Variants in LRP4 observed in about 807,000 individuals in gnomAD.
The protein encoded by LRP4 is low-density lipoprotein receptor-related protein 4.
LRP4 carries 95 observed loss-of-function variants against 220.3 expected under a neutral mutation model. The observed-to-expected ratio is 0.43, with a 90% CI of 0.37 to 0.51. LRP4 has a LOEUF of 0.51. Ranked by LOEUF, LRP4 falls within the 20% of genes least tolerant of loss-of-function variation. The probability of loss-of-function intolerance (pLI) is 0.00; values close to 1 mark genes in which losing one functional copy is unlikely to be tolerated. For synonymous variants in LRP4, 903 were observed against 954.6 expected (o/e 0.95, Z 1.00); for missense variants, 1,925 against 2,567.0 (o/e 0.75, Z 5.40).
At chr11:46,895,543 T>C (rs893540778) in intron 10 of LRP4, among the ~76,000 whole-genome samples, 1 of 151,924 alleles carries the variant, frequency 6.6e-6, no homozygotes, top group Non-Finnish European at 1.5e-5. Flanking sequence ...ATCGCACCAC[T>C]GCACTCCAGC....
At chr11:46,889,303 G>T in intron 16 of LRP4, 108 bp downstream of exon 16, 1 of 1,447,346 alleles carries the variant, frequency 6.9e-7, no homozygotes, top group Non-Finnish European at 9.6e-7. Context: ...GCTCCCTGAG[G>T]AATGTGGTTT....
chr11:46,872,138 C>A (rs1344067292), intron 30 of LRP4, among the ~76,000 whole-genome samples: 1 of 152,116 alleles, frequency 6.6e-6, no homozygotes, highest in African/African-American at 2.4e-5. Context: ...TGCCTGTAAT[C>A]CTAGCTACTT....
chr11:46,894,516 C>T (rs1941483271), intron 12 of LRP4, 73 bp downstream of exon 12: 3 of 1,199,612 alleles, frequency 2.5e-6, no homozygotes, highest in South Asian at 2.6e-5. Flanking sequence ...TTGCAAACCA[C>T]TGGCCTATTC....
chr11:46,898,007 C>T (rs1941578006), intron 7 of LRP4, among the ~76,000 whole-genome samples: 1 of 149,318 alleles, frequency 6.7e-6, no homozygotes, highest in African/African-American at 2.5e-5. Flanking sequence ...GGGGGGCTGA[C>T]CCCCCAACCT....
At position 46,909,687 on chromosome 11, in the gene LRP4, T is replaced by C. The variant is rs541077749; in HGVS notation, c.53-6758A>G. 1.3e-4 allele frequency among the ~76,000 whole-genome samples: 18 copies of C among 142,060 alleles called. No homozygotes were observed. In the South Asian group the frequency reaches 3.7e-3, roughly 29 times the overall value. The allele number at this position is 142,060 out of a possible 152,430, so 93.2% of individuals were successfully genotyped here. Reference sequence around the variant, plus strand: ...TAATATGCTAAAGCATATTAGCATATGCCTCTCTCCTTTTATCCACTGGCA... The same window carrying C: ...TAATATGCTAAAGCATATTAGCATACGCCTCTCTCCTTTTATCCACTGGCA... On this transcript the variant is annotated intron_variant, in intron 1 of 37. Coordinates refer to ENST00000378623, the MANE Select transcript of LRP4 (RefSeq NM_002334.4).
intron 1 of LRP4, among the ~76,000 whole-genome samples, chr11:46,907,086 G>A (rs951891381): frequency 6.6e-6 from 1 of 152,172 alleles, no homozygotes; most frequent in African/African-American, 2.4e-5. Context: ...CCCTTTTTAA[G>A]GAAAAGAATG....
In LRP4 at chr11:46,902,651, A is replaced by G. The variant is rs1308585702; in HGVS notation, c.199+132T>C. On this transcript the variant is annotated intron_variant, in intron 2 of 37. Coordinates refer to ENST00000378623, the MANE Select transcript of LRP4 (RefSeq NM_002334.4). ...AGAAACTACCCAAATGTCAATATCT[A>G]TCAAGCTTGCAAAAGACCAACTCTC... 5.8e-6 allele frequency: 6 copies of G among 1,028,868 alleles called. No homozygotes were observed. The Admixed American group carries it at 9.0e-5, about 15-fold the overall frequency. 63.7% of individuals were successfully genotyped at this position (1,028,868 alleles called of 1,614,324 possible).
chr11:46,863,060 T>C, intron 36 of LRP4: 1 of 378,044 alleles, frequency 2.6e-6, no homozygotes, highest in South Asian at 2.6e-5. Context: ...TTGTAAGTTG[T>C]CCTATGGAGA....
At chr11:46,895,085 C>A in intron 11 of LRP4, 81 bp downstream of exon 11, 1 of 1,588,808 alleles carries the variant, frequency 6.3e-7, no homozygotes, top group East Asian at 2.2e-5. Context: ...TACCTCTCTG[C>A]AAATCCCTGA....
Position 46,895,231 on chromosome 11 carries a change from G to T in LRP4, c.1244C>A (p.Ala415Asp). The change falls in exon 11 of 38, where the codon GCT becomes GAT. Residue 415 changes from alanine to aspartate, a missense_variant. Ala to Asp is a moderately radical substitution (Grantham distance 126, BLOSUM62 -2). Transcript: ENST00000378623. ...CSQGCTNSEGAFQCWCETGYE... is the reference protein window; with the variant it reads ...CSQGCTNSEGDFQCWCETGYE... The stretch of plus-strand genomic sequence containing the variant: ...GCCTGTTTCACACCAGCATTGGAAA[G>T]CCCCTTCGCTGTTGGTGCAGCCCTG... 6.2e-7 allele frequency: 1 copy of T among 1,614,074 alleles called. No individual in the cohort carries two copies. Among genetic ancestry groups the T allele is most frequent in the Non-Finnish European group, 8.5e-7 (1 of 1,180,028 alleles).
At chr11:46,861,761 T>TA (rs900088208) in intron 37 of LRP4, among the ~76,000 whole-genome samples, 5 of 151,374 alleles carry the variant, frequency 3.3e-5, no homozygotes, top group African/African-American at 1.2e-4. Context: ...ACAAAGAAGT[T>TA]AAAAAAAAAC....
At chr11:46,895,020 T>TTCTTGGGGC in intron 11 of LRP4, 146 bp downstream of exon 11, 1 of 1,325,022 alleles carries the variant, frequency 7.5e-7, no homozygotes, top group South Asian at 1.2e-5. Flanking sequence ...AGCAGCATTT[T>TTCTTGGGGC]TCTTGGGGCT....
chr11:46,894,571 T>C lies in LRP4; in HGVS notation c.1540+18A>G, dbSNP rs771988162. ...TGTGGCATGGCTCTGCCCCTCTCCA[T>C]GGGGCCTTGTTCCCTACCTGGGCTC... On this transcript the variant is annotated intron_variant, in intron 12 of 37. Coordinates refer to ENST00000378623, the MANE Select transcript of LRP4 (RefSeq NM_002334.4). 15 of 1,572,218 alleles carry C rather than the reference T, an allele frequency of 9.5e-6. No individual in the cohort carries two copies. Among genetic ancestry groups the C allele is most frequent in the Non-Finnish European group, 1.3e-5 (15 of 1,153,116 alleles).
chr11:46,883,512 A>G (rs1400747559), intron 19 of LRP4, among the ~76,000 whole-genome samples: 1 of 152,204 alleles, frequency 6.6e-6, no homozygotes, highest in Non-Finnish European at 1.5e-5. Flanking sequence ...TTCATTTCCC[A>G]TAAGGGATAC....
rs962124848 is a variant in LRP4 at position 46,877,141 on chromosome 11, C to T, written c.3277+58G>A. The stretch of plus-strand genomic sequence containing the variant: ...GACAAAGGTGGTGGGAGAGGAAAGA[C>T]AGTAATTGTTGAAGGGCAGGGACAG... On this transcript the variant is annotated intron_variant, in intron 23 of 37. Coordinates refer to ENST00000378623, the MANE Select transcript of LRP4 (RefSeq NM_002334.4). 8 of 1,592,252 alleles carry T rather than the reference C, an allele frequency of 5.0e-6. No homozygotes were observed. In the Admixed American group the frequency reaches 1.0e-4, roughly 20 times the overall value.
At position 46,883,872 on chromosome 11, in the gene LRP4, C is replaced by T. The variant is rs908843042; in HGVS notation, c.2611G>A (p.Gly871Arg). Residue 871 changes from glycine (G) to arginine (R), a missense_variant and splice_region_variant, in exon 19 of 38, where the codon GGG becomes AGG. Coordinates refer to ENST00000378623, the MANE Select transcript of LRP4 (RefSeq NM_002334.4). Reference protein sequence around the residue: ...PRDIVVEPMGGYMYWTDWGAS... With the variant: ...PRDIVVEPMGRYMYWTDWGAS... ...CATTCCCAAGGGGCAGCCACTCACC[C>T]GCCCATGGGTTCCACCACGATGTCC... The T allele has an allele frequency of 4.3e-6, 7 of 1,612,530 alleles. No individual in the cohort carries two copies. The highest frequency in any genetic ancestry group is 2.2e-5 in the South Asian group (2 of 91,046).
Position 46,869,105 on chromosome 11 carries a change from A to G in LRP4, c.4720T>C (p.Trp1574Arg), listed in dbSNP as rs1486355201. 1.9e-6 allele frequency: 3 copies of G among 1,614,220 alleles called. No homozygotes were observed. The highest frequency in any genetic ancestry group is 1.6e-4 in the Middle Eastern group (1 of 6,062). The change falls in exon 32 of 38, where the codon TGG becomes CGG. Residue 1574 changes from tryptophan (W) to arginine (R), a missense_variant. This residue lies in a region of LRP4 where 1,244 missense variants were observed against 1,624.9 expected (regional missense o/e 0.77). Transcript: ENST00000378623. ...ACACGCTGGATTGACTTGGTCTGCCAGTCTGTCCAGTAGATCCACCTGTCT... is the reference window on the plus strand; with the variant it reads ...ACACGCTGGATTGACTTGGTCTGCCGGTCTGTCCAGTAGATCCACCTGTCT... Reference protein sequence around the residue: ...QQDRWIYWTDWQTKSIQRVDK... With the variant: ...QQDRWIYWTDRQTKSIQRVDK...
At position 46,894,696 on chromosome 11, in the gene LRP4, C is replaced by T. The variant is rs1349507715; in HGVS notation, c.1433G>A (p.Arg478His). Residue 478 changes from arginine (R) to histidine (H), a missense_variant, in exon 12 of 38, where the codon CGC (arginine) becomes CAC (histidine). Coordinates refer to ENST00000378623, the MANE Select transcript of LRP4 (RefSeq NM_002334.4). ...ATCTGACCAGAAGACAAGCTCGCGG[C>T]GGTGGTGGAAATCAAGGGCAATGGC... is the stretch of plus-strand genomic sequence containing the variant. ...ENAIALDFHH[R>H]RELVFWSDVT... 1.7e-5 allele frequency: 27 copies of T among 1,614,044 alleles called. No individual in the cohort carries two copies. The highest frequency in any genetic ancestry group is 1.6e-4 in the Middle Eastern group (1 of 6,084).
chr11:46,890,507 A>G lies in LRP4; in HGVS notation c.1698-13T>C. 6.3e-7 allele frequency: 1 copy of G among 1,595,828 alleles called. No homozygotes were observed. Among genetic ancestry groups the G allele is most frequent in the Non-Finnish European group, 8.6e-7 (1 of 1,163,930 alleles). The stretch of plus-strand genomic sequence containing the variant: ...CCAGTAAATGGTACTAGGAAGAGAA[A>G]AGTAAATTGGGAAGTGGGCAGCAGA... On this transcript the variant is annotated splice_polypyrimidine_tract_variant and intron_variant, in intron 13 of 37. Transcript: ENST00000378623. The surrounding 1 kb of genome is among the most constrained non-coding windows in gnomAD (Gnocchi z 5.3).
Sources: gnomAD v4.1 joint callset for allele counts (sites outside exome capture counted in the v4.1 genomes callset) on GRCh38, gnomAD v4.1.1 for gene constraint, gnomAD v4.1.1 regional missense constraint, Gnocchi (gnomAD v3.1) non-coding constraint, MANE v1.5 for transcripts, NCBI Gene and HGNC (gene_info 2026-07-23, HGNC 2026-07-21) for gene names.